Variants in SPARCL1 observed in about 807,000 individuals in gnomAD.
The protein encoded by SPARCL1 is SPARC-like protein 1.
SPARCL1 carries 52 observed loss-of-function variants against 67.1 expected under a neutral mutation model. The ratio of observed to expected loss-of-function variants is 0.78; its 90% CI spans 0.62 to 0.98. The LOEUF (loss-of-function observed/expected upper bound fraction) is 0.98, where lower values mean the gene tolerates loss of function less well. Ranked by LOEUF, SPARCL1 falls within the 50% of genes least tolerant of loss-of-function variation. The probability of loss-of-function intolerance (pLI) is 0.00; values close to 1 mark genes in which losing one functional copy is unlikely to be tolerated. For synonymous variants in SPARCL1, 226 were observed against 267.8 expected (o/e 0.84, Z 1.52); for missense variants, 717 against 782.4 (o/e 0.92, Z 1.00).
At chr4:87,498,327 T>C (rs1724706620) in intron 2 of SPARCL1, among the ~76,000 whole-genome samples, 2 of 152,188 alleles carry the variant, frequency 1.3e-5, no homozygotes, top group South Asian at 4.1e-4. Context: ...GACACATTTG[T>C]CAACCAGAAG....
chr4:87,501,296 T>G (rs1724839416), intron 1 of SPARCL1, among the ~76,000 whole-genome samples: 3 of 152,144 alleles, frequency 2.0e-5, no homozygotes. Flanking sequence ...TTTGTCTTTT[T>G]TCTTCTGTTT....
intron 7 of SPARCL1, among the ~76,000 whole-genome samples, chr4:87,485,822 A>G (rs752759601): frequency 6.6e-6 from 1 of 151,838 alleles, no homozygotes; most frequent in African/African-American, 2.4e-5. Flanking sequence ...GAATTTATCT[A>G]TTTCTTCTAG....
At chr4:87,521,253 A>G (rs1725804309) in intron 1 of SPARCL1, among the ~76,000 whole-genome samples, 1 of 152,178 alleles carries the variant, frequency 6.6e-6, no homozygotes, top group Non-Finnish European at 1.5e-5. Flanking sequence ...TGCCACTTAA[A>G]TCAACTTAGC....
At chr4:87,491,805 T>G in intron 4 of SPARCL1, 115 bp from the exon 5 acceptor site, 1 of 812,996 alleles carries the variant, frequency 1.2e-6, no homozygotes, top group Non-Finnish European at 2.1e-6. Context: ...TCATTTCAAA[T>G]CTCAGAAAGG....
At chr4:87,525,520 G>C (rs543781367) in intron 1 of SPARCL1, among the ~76,000 whole-genome samples, 2 of 152,240 alleles carry the variant, frequency 1.3e-5, no homozygotes, top group Admixed American at 6.5e-5. Context: ...TGGATTTATT[G>C]CAGGGTTTGC....
intron 7 of SPARCL1, among the ~76,000 whole-genome samples, chr4:87,483,326 A>C (rs1198541161): frequency 1.3e-5 from 2 of 152,176 alleles, no homozygotes; most frequent in Non-Finnish European, 2.9e-5. Flanking sequence ...TATGAGTGAG[A>C]ACATGCAGTG....
chr4:87,505,250 A>C (rs115810596), intron 1 of SPARCL1, among the ~76,000 whole-genome samples: 2,075 of 152,268 alleles, frequency 0.014, 25 homozygotes, highest in Middle Eastern at 0.027. Flanking sequence ...AATTGTATGA[A>C]TCCTAAATTG....
Position 87,491,682 on chromosome 4 carries a change from T to G in SPARCL1, c.1227A>C (p.Lys409Asn), listed in dbSNP as rs770395117. Residue 409 changes from lysine (K) to asparagine (N), a missense_variant, in exon 5 of 11, where the codon AAA becomes AAC. Lys to Asn is a moderately conservative substitution (Grantham distance 94). Transcript: ENST00000282470. Reference sequence around the variant, plus strand: ...CCTCCTCATTTGATGAGTTCTCTGCTTTCTTGGCCTTTAGAATAACAAGAG... The same window carrying G: ...CCTCCTCATTTGATGAGTTCTCTGCGTTCTTGGCCTTTAGAATAACAAGAG... ...TEPGEHQEAK[K>N]AENSSNEEET... The G allele has an allele frequency of 6.2e-7, 1 of 1,612,812 alleles. No homozygotes were observed. The highest frequency in any genetic ancestry group is 1.1e-5 in the South Asian group (1 of 91,068).
intron 9 of SPARCL1, 69 bp downstream of exon 9, chr4:87,480,302 CT>C: frequency 2.9e-6 from 4 of 1,356,818 alleles, no homozygotes; most frequent in Admixed American, 5.0e-5. Context: ...TTAGATTTTC[CT>C]TTTGCATAGA....
At chr4:87,505,557 T>G (rs1259131567) in intron 1 of SPARCL1, among the ~76,000 whole-genome samples, 1 of 152,004 alleles carries the variant, frequency 6.6e-6, no homozygotes, top group Non-Finnish European at 1.5e-5. Context: ...TTTATTTTAT[T>G]TATTTATTTT....
At position 87,493,882 on chromosome 4, in the gene SPARCL1, G is replaced by A. The variant is rs1252695759; in HGVS notation, c.918C>T (p.Ser306=). 1.2e-6 allele frequency: 2 copies of A among 1,614,174 alleles called. No homozygotes were observed. The highest frequency in any genetic ancestry group is 2.2e-5 in the South Asian group (2 of 91,082). Residue 306 remains serine, a synonymous_variant, in exon 4 of 11, where the codon AGC becomes AGT. Transcript: ENST00000282470. The part of the protein sequence containing the change: ...QEGKTGLEAI[S]NHKETEEKTV... ...TCTTTTCTTCTGTCTCTTTGTGGTT[G>A]CTGATAGCTTCTAGGCCAGTTTTAC...
chr4:87,507,582 G>A (rs964301772), intron 1 of SPARCL1, among the ~76,000 whole-genome samples: 3 of 152,150 alleles, frequency 2.0e-5, no homozygotes, highest in Non-Finnish European at 2.9e-5. Flanking sequence ...CTCACACCAC[G>A]CTACAATCAA....
chr4:87,482,105 A>G (rs1257556156), intron 8 of SPARCL1, among the ~76,000 whole-genome samples: 1 of 152,238 alleles, frequency 6.6e-6, no homozygotes, highest in Admixed American at 6.5e-5. Context: ...GCTTAGATTT[A>G]AATAAGATGT....
chr4:87,495,612 G>A (rs1330612284), intron 2 of SPARCL1, among the ~76,000 whole-genome samples: 1 of 152,080 alleles, frequency 6.6e-6, no homozygotes, highest in Non-Finnish European at 1.5e-5. Context: ...AACGCCATTG[G>A]CCTTAACGTT....
chr4:87,498,917 A>G (rs2110234748), intron 2 of SPARCL1, among the ~76,000 whole-genome samples: 1 of 150,628 alleles, frequency 6.6e-6, no homozygotes, highest in African/African-American at 2.4e-5. Flanking sequence ...TCTGTTGCCC[A>G]GGCTGGAGTG....
At chr4:87,507,667 A>C (rs1416769027) in intron 1 of SPARCL1, among the ~76,000 whole-genome samples, 3 of 152,210 alleles carry the variant, frequency 2.0e-5, no homozygotes, top group Non-Finnish European at 2.9e-5. Context: ...TGCAGCAGGC[A>C]CCAGCTGAGT....
chr4:87,482,633 G>A (rs1018940708), intron 7 of SPARCL1, 73 bp from the exon 8 acceptor site: 5 of 1,539,098 alleles, frequency 3.2e-6, no homozygotes, highest in African/African-American at 1.4e-5. Flanking sequence ...ATAATAGGAA[G>A]CTTAACGACT....
Position 87,494,378 on chromosome 4 carries a change from A to G in SPARCL1, c.422T>C (p.Leu141Ser). ...EKKLSENTDFLAPGVSSFTDS... is the reference protein window; with the variant it reads ...EKKLSENTDFSAPGVSSFTDS... ...TGTGAAGGAACTAACACCAGGAGCC[A>G]AAAAATCAGTGTTCTCTGAGAGTTT... Residue 141 changes from leucine to serine, a missense_variant, in exon 4 of 11, where the codon TTG (leucine) becomes TCG (serine). Transcript: ENST00000282470. 1 of 1,614,164 alleles carries G rather than the reference A, an allele frequency of 6.2e-7. No homozygotes were observed. Among genetic ancestry groups the G allele is most frequent in the Non-Finnish European group, 8.5e-7 (1 of 1,180,010 alleles).
intron 7 of SPARCL1, among the ~76,000 whole-genome samples, chr4:87,489,113 G>A (rs1360514885): frequency 6.6e-6 from 1 of 152,166 alleles, no homozygotes; most frequent in Non-Finnish European, 1.5e-5. Context: ...CTGTCTTGCT[G>A]GCATTCCAGG....
Sources: gnomAD v4.1 joint callset for allele counts (sites outside exome capture counted in the v4.1 genomes callset) on GRCh38, gnomAD v4.1.1 for gene constraint, MANE v1.5 for transcripts, NCBI Gene and HGNC (gene_info 2026-07-23, HGNC 2026-07-21) for gene names.